DYNC2H1: variants seen among roughly 807,000 people sequenced by gnomAD.
DYNC2H1 encodes cytoplasmic dynein 2 heavy chain 1.
A neutral mutation model predicts 570.0 loss-of-function variants in DYNC2H1; 410 were observed. That is an observed-to-expected ratio of 0.72 (90% confidence interval 0.66 to 0.78). The LOEUF (loss-of-function observed/expected upper bound fraction) is 0.78. Among genes scored for constraint, DYNC2H1 ranks in the 30% least tolerant of loss-of-function variants. DYNC2H1 has a pLI of 0.00. For synonymous variants in DYNC2H1, 1,688 were observed against 1,677.6 expected (o/e 1.01, Z -0.15); for missense variants, 4,865 against 5,046.4 (o/e 0.96, Z 1.09).
At chr11:103,425,542 C>G (rs1232532940) in intron 84 of DYNC2H1, among the ~76,000 whole-genome samples, 1 of 152,010 alleles carries the variant, frequency 6.6e-6, no homozygotes, top group Admixed American at 6.6e-5. Flanking sequence ...GTCCCACCTC[C>G]AAATACCATT....
Position 103,173,081 on chromosome 11 carries a change from G to T in DYNC2H1, c.5335-1G>T. ...ATTAATATTTTTAATTAATATTTCA[G>T]GTAGAAGTAAATTCTAATTCTGGAA... On this transcript the variant is annotated splice_acceptor_variant, in intron 34 of 88. Transcript: ENST00000375735. LOFTEE classifies it high-confidence loss of function. The T allele has an allele frequency of 7.7e-7, 1 of 1,295,570 alleles. No individual in the cohort carries two copies. The highest frequency in any genetic ancestry group is 1.0e-6 in the Non-Finnish European group (1 of 1,004,430). 80.3% of individuals were successfully genotyped at this position (1,295,570 alleles called of 1,614,324 possible).
chr11:103,178,955 T>C, intron 38 of DYNC2H1, 71 bp from the exon 39 acceptor site: 3 of 1,379,866 alleles, frequency 2.2e-6, no homozygotes, highest in Non-Finnish European at 3.0e-6. Context: ...AGAATTGTTT[T>C]AGTCCTTATT....
At chr11:103,382,492 A>C (rs1311781511) in intron 83 of DYNC2H1, among the ~76,000 whole-genome samples, 1 of 152,222 alleles carries the variant, frequency 6.6e-6, no homozygotes, top group Non-Finnish European at 1.5e-5. Context: ...TATCTTTAAA[A>C]TTGATAATTT....
At position 103,179,149 on chromosome 11, in the gene DYNC2H1, C is replaced by G. The variant is rs1410774719; in HGVS notation, c.6263C>G (p.Pro2088Arg). The G allele has an allele frequency of 1.9e-6, 3 of 1,612,902 alleles. No homozygotes were observed. Among genetic ancestry groups the G allele is most frequent in the Non-Finnish European group, 2.5e-6 (3 of 1,179,258 alleles). The change falls in exon 39 of 89, where the codon CCA (proline) becomes CGA (arginine). Residue 2088 changes from proline to arginine, a missense_variant. Around this residue, in one of 5 missense-constraint regions of DYNC2H1, gnomAD observed 231 missense variants for 310.3 expected, o/e 0.74. Coordinates refer to ENST00000375735, the MANE Select transcript of DYNC2H1 (RefSeq NM_001377.3). ...MPSGERIQFG[P>R]NVNFVFETHD... Reference sequence around the variant, plus strand: ...AGTGGAGAAAGGATTCAGTTTGGCCCAAATGTTAACTTTGTATTTGAAACT... The same window carrying G: ...AGTGGAGAAAGGATTCAGTTTGGCCGAAATGTTAACTTTGTATTTGAAACT...
At chr11:103,229,576 G>A (rs61035651) in intron 59 of DYNC2H1, among the ~76,000 whole-genome samples, 2 of 151,836 alleles carry the variant, frequency 1.3e-5, no homozygotes, top group Admixed American at 6.6e-5. Flanking sequence ...TTCTCTGTCA[G>A]AGCCCTGAAA....
intron 82 of DYNC2H1, among the ~76,000 whole-genome samples, chr11:103,353,828 A>T (rs1183152108): frequency 6.6e-6 from 1 of 152,116 alleles, no homozygotes; most frequent in East Asian, 1.9e-4. Context: ...CAGTTGTTTT[A>T]AAGTAATCAA....
chr11:103,181,646 C>A lies in DYNC2H1; in HGVS notation c.6348-111C>A. 2 of 1,181,536 alleles carry A rather than the reference C, an allele frequency of 1.7e-6. No homozygotes were observed. Among genetic ancestry groups the A allele is most frequent in the Non-Finnish European group, 2.3e-6 (2 of 852,720 alleles). 73.2% of individuals were successfully genotyped at this position (1,181,536 alleles called of 1,614,324 possible). A position where few individuals can be genotyped will look rare whatever the true frequency, so the allele number is the denominator to read the frequency against. On this transcript the variant is annotated intron_variant, in intron 39 of 88. Coordinates refer to ENST00000375735, the MANE Select transcript of DYNC2H1 (RefSeq NM_001377.3). The surrounding 1 kb of genome is among the most constrained non-coding windows in gnomAD (Gnocchi z 5.0). Reference sequence around the variant, plus strand: ...AGTAACTAAAGCCACCTTTTGTATGCTAGCAGACAAAATATGTGCGTAGAA... The same window carrying A: ...AGTAACTAAAGCCACCTTTTGTATGATAGCAGACAAAATATGTGCGTAGAA...
At chr11:103,210,955 C>G (rs1318694032) in intron 53 of DYNC2H1, among the ~76,000 whole-genome samples, 3 of 151,928 alleles carry the variant, frequency 2.0e-5, no homozygotes, top group Non-Finnish European at 2.9e-5. Flanking sequence ...ATTTTAGAAA[C>G]AAATATCTTT....
intron 17 of DYNC2H1, among the ~76,000 whole-genome samples, chr11:103,139,682 G>A (rs1158982236): frequency 1.3e-5 from 2 of 151,944 alleles, no homozygotes; most frequent in Non-Finnish European, 2.9e-5. Context: ...TGAAAAAAAT[G>A]TATATTCTGT....
At chr11:103,347,183 T>C (rs959608286) in intron 82 of DYNC2H1, among the ~76,000 whole-genome samples, 2 of 152,198 alleles carry the variant, frequency 1.3e-5, no homozygotes, top group Admixed American at 6.5e-5. Context: ...GTTTGCAAGA[T>C]AACGAACTCA....
At chr11:103,123,541 G>A (rs1858831711) in intron 11 of DYNC2H1, among the ~76,000 whole-genome samples, 1 of 152,124 alleles carries the variant, frequency 6.6e-6, no homozygotes, top group South Asian at 2.1e-4. Context: ...ACTGAACGGT[G>A]TTAGGGCATA....
chr11:103,342,644 A>T (rs879264727), intron 82 of DYNC2H1, among the ~76,000 whole-genome samples: 2 of 151,836 alleles, frequency 1.3e-5, no homozygotes, highest in African/African-American at 2.4e-5. Context: ...CTGGGACTAC[A>T]GGCGCCCACC....
In DYNC2H1 at chr11:103,325,316, T is replaced by G. The variant is rs896768238; in HGVS notation, c.12039+1326T>G. Among the ~76,000 whole-genome samples, 2 of 152,366 alleles carry G rather than the reference T, an allele frequency of 1.3e-5. No individual in the cohort carries two copies. Among genetic ancestry groups the G allele is most frequent in the South Asian group, 4.1e-4 (2 of 4,834 alleles). On this transcript the variant is annotated intron_variant, in intron 82 of 88. Transcript: ENST00000375735. This position sits in a 1 kb window ranked among gnomAD's most constrained non-coding sequence, Gnocchi z 4.8. Reference sequence around the variant, plus strand: ...ATGTTCAGAATTGTATTTCCTAGGTTGTCTCCCATGGTTTTTATAGTTTTA... The same window carrying G: ...ATGTTCAGAATTGTATTTCCTAGGTGGTCTCCCATGGTTTTTATAGTTTTA...
chr11:103,113,413 ATATT>A (rs1182879884), intron 1 of DYNC2H1, 120 bp from the exon 2 acceptor site: 5 of 688,472 alleles, frequency 7.3e-6, no homozygotes, highest in Non-Finnish European at 1.1e-5. Flanking sequence ...TGGTTTTAAT[ATATT>A]TATTTTTAAA....
chr11:103,135,866 G>A lies in DYNC2H1; in HGVS notation c.2492G>A (p.Arg831Lys). The change falls in exon 17 of 89, where the codon AGA becomes AAA. Residue 831 changes from arginine to lysine, a missense_variant. By Grantham distance (26) the Arg-to-Lys change is conservative (BLOSUM62 2). Transcript: ENST00000375735. ...DESIFSIMIDRNASGFLTIFS... is the reference protein window; with the variant it reads ...DESIFSIMIDKNASGFLTIFS... ...TCTATTTTTTCTATTATGATTGATA[G>A]AAATGCAAGTGGATTTTTGACGATT... 6.2e-7 allele frequency: 1 copy of A among 1,612,990 alleles called. No individual in the cohort carries two copies. Among genetic ancestry groups the A allele is most frequent in the East Asian group, 2.2e-5 (1 of 44,836 alleles).
chr11:103,243,830 A>C lies in DYNC2H1; in HGVS notation c.9918+39A>C. The C allele has an allele frequency of 4.1e-6, 6 of 1,457,986 alleles. No individual in the cohort carries two copies. The highest frequency in any genetic ancestry group is 5.6e-6 in the Non-Finnish European group (6 of 1,066,708). The allele number at this position is 1,457,986 out of a possible 1,614,324, so 90.3% of individuals were successfully genotyped here. A position where few individuals can be genotyped will look rare whatever the true frequency, so the allele number is the denominator to read the frequency against. ...ATAATTTACATACCAATTAGGAATGACCTCTTATAGTGAAAAGATCTTGGA... is the reference window on the plus strand; with the variant it reads ...ATAATTTACATACCAATTAGGAATGCCCTCTTATAGTGAAAAGATCTTGGA... On this transcript the variant is annotated intron_variant, in intron 64 of 88. Transcript: ENST00000375735. The surrounding 1 kb of genome is among the most constrained non-coding windows in gnomAD (Gnocchi z 4.8).
intron 85 of DYNC2H1, among the ~76,000 whole-genome samples, chr11:103,445,877 C>T (rs1719609129): frequency 6.6e-6 from 1 of 152,268 alleles, no homozygotes; most frequent in African/African-American, 2.4e-5. Flanking sequence ...TGGTCTCAAT[C>T]TCCTGACCTC....
At position 103,428,822 on chromosome 11, in the gene DYNC2H1, T is replaced by C. The variant is rs556023697; in HGVS notation, c.12367-7121T>C. Among the ~76,000 whole-genome samples, 37 of 152,304 alleles carry C rather than the reference T, an allele frequency of 2.4e-4. No homozygotes were observed. In the South Asian group the frequency reaches 4.3e-3, roughly 18 times the overall value. ...GTAGCATATATCAATTTTTTTTTCT[T>C]TTTTAAGGTGAATAATATTCCATTG... On this transcript the variant is annotated intron_variant, in intron 84 of 88. Transcript: ENST00000375735.
rs549399908 is a variant in DYNC2H1, at chr11:103,198,041, A to T, written c.7817A>T (p.Asp2606Val). 1 of 1,552,366 alleles carries T rather than the reference A, an allele frequency of 6.4e-7. No homozygotes were observed. The highest frequency in any genetic ancestry group is 2.4e-5 in the East Asian group (1 of 40,954). ...CCACTTGGAAAACTAAACTCTACTG[A>T]TCTCAAGGATGTTATTAAAAAGGTA... ...GKPLGKLNSTDLKDVIKKGLI... is the reference protein window; with the variant it reads ...GKPLGKLNSTVLKDVIKKGLI... Residue 2606 changes from aspartate to valine, a missense_variant, in exon 48 of 89, where the codon GAT (aspartate) becomes GTT (valine). Asp to Val is a radical substitution (Grantham distance 152). Around this residue, in one of 5 missense-constraint regions of DYNC2H1, gnomAD observed 2,401 missense variants for 2,454.6 expected, o/e 0.98. Transcript: ENST00000375735.
Sources: gnomAD v4.1 joint callset for allele counts (sites outside exome capture counted in the v4.1 genomes callset) on GRCh38, gnomAD v4.1.1 for gene constraint, gnomAD v4.1.1 regional missense constraint, Gnocchi (gnomAD v3.1) non-coding constraint, MANE v1.5 for transcripts, NCBI Gene and HGNC (gene_info 2026-07-23, HGNC 2026-07-21) for gene names.